PRMT8: variants seen among roughly 807,000 people sequenced by gnomAD.
The protein encoded by PRMT8 is protein arginine methyltransferase 8.
In PRMT8, 7 loss-of-function variants were observed where a neutral mutation model predicts 47.1. That is an observed-to-expected ratio of 0.15 (90% CI 0.08 to 0.28). The LOEUF is 0.28. Among genes scored for constraint, PRMT8 ranks in the 10% least tolerant of loss-of-function variants. PRMT8 has a pLI of 1.00. For synonymous variants in PRMT8, 188 were observed against 186.5 expected (o/e 1.01, Z -0.07); for missense variants, 237 against 505.4 (o/e 0.47, Z 5.09).
intron 1 of PRMT8, among the ~76,000 whole-genome samples, chr12:3,476,567 C>G (rs1171350656): frequency 6.6e-6 from 1 of 152,144 alleles, no homozygotes; most frequent in Non-Finnish European, 1.5e-5. Flanking sequence ...TCTCCCTCTC[C>G]CATCTCTCTC....
Position 3,538,739 on chromosome 12 carries a change from T to G in PRMT8, c.76-1867T>G. 3.9e-6 allele frequency: 2 copies of G among 518,944 alleles called. No individual in the cohort carries two copies. The highest frequency in any genetic ancestry group is 7.7e-6 in the Non-Finnish European group (2 of 259,850). The allele number at this position is 518,944 out of a possible 1,614,324, so 32.1% of individuals were successfully genotyped here. ...CTGCAGCCTGCACAGGAGTGTGCAC[T>G]TGACACAGTCTATTTTTAGCCTCCC... is the stretch of plus-strand genomic sequence containing the variant. On this transcript the variant is annotated intron_variant, in intron 1 of 9. Coordinates refer to ENST00000382622, the MANE Select transcript of PRMT8 (RefSeq NM_019854.5). The surrounding 1 kb of genome is among the most constrained non-coding windows in gnomAD (Gnocchi z 4.6).
intron 1 of PRMT8, among the ~76,000 whole-genome samples, chr12:3,405,500 C>G (rs906725628): frequency 6.6e-6 from 1 of 152,202 alleles, no homozygotes; most frequent in African/African-American, 2.4e-5. Context: ...CAGTCCAAAT[C>G]CAAAGTCTCA....
At chr12:3,547,596 G>A (rs1214010637) in intron 2 of PRMT8, among the ~76,000 whole-genome samples, 2 of 152,020 alleles carry the variant, frequency 1.3e-5, no homozygotes, top group South Asian at 2.1e-4. Flanking sequence ...TGGGCAACAT[G>A]GTAGAACACC....
intron 1 of PRMT8, among the ~76,000 whole-genome samples, chr12:3,414,052 C>T (rs901795521): frequency 6.6e-6 from 1 of 152,168 alleles, no homozygotes; most frequent in Non-Finnish European, 1.5e-5. Context: ...TAGTGGTTCT[C>T]TTGAATGATT....
rs1448736010 is a variant in PRMT8 at position 3,535,855 on chromosome 12, A to T, written c.76-4751A>T. ...AATCCTTTTGCTGACTTCTCAGACT[A>T]TGTATACAAGATTGGAGTTTGAAAG... On this transcript the variant is annotated intron_variant, in intron 1 of 9. Coordinates refer to ENST00000382622, the MANE Select transcript of PRMT8 (RefSeq NM_019854.5). This position sits in a 1 kb window ranked among gnomAD's most constrained non-coding sequence, Gnocchi z 4.7. 6.6e-6 allele frequency among the ~76,000 whole-genome samples: 1 copy of T among 152,116 alleles called. No homozygotes were observed. The highest frequency in any genetic ancestry group is 1.5e-5 in the Non-Finnish European group (1 of 68,014).
intron 4 of PRMT8, among the ~76,000 whole-genome samples, chr12:3,554,200 C>T (rs542358052): frequency 2.1e-4 from 32 of 152,292 alleles, no homozygotes; most frequent in African/African-American, 7.5e-4. Flanking sequence ...TGGGAGTGGG[C>T]CCTTCTTCAG....
chr12:3,509,677 T>C (rs896365252), intron 1 of PRMT8, among the ~76,000 whole-genome samples: 1 of 152,220 alleles, frequency 6.6e-6, no homozygotes, highest in African/African-American at 2.4e-5. Flanking sequence ...TATTTGTTGG[T>C]CCCGTTCTTA....
chr12:3,424,817 A>G (rs1201384418), intron 1 of PRMT8, among the ~76,000 whole-genome samples: 5 of 152,224 alleles, frequency 3.3e-5, no homozygotes, highest in Non-Finnish European at 7.3e-5. Flanking sequence ...CTTGATGTAT[A>G]TACTGGGAAC....
intron 1 of PRMT8, among the ~76,000 whole-genome samples, chr12:3,452,818 G>A (rs925890014): frequency 6.6e-6 from 1 of 152,190 alleles, no homozygotes; most frequent in Non-Finnish European, 1.5e-5. Context: ...CTTAGGTCCT[G>A]CTGGGAAGTG....
chr12:3,444,000 C>T (rs1374200047), intron 1 of PRMT8, among the ~76,000 whole-genome samples: 1 of 152,212 alleles, frequency 6.6e-6, no homozygotes, highest in Non-Finnish European at 1.5e-5. Flanking sequence ...GTAAGGCTCT[C>T]CCTGCCATTC....
chr12:3,463,724 A>G (rs1039775205), intron 1 of PRMT8: 4 of 152,316 alleles, frequency 2.6e-5, no homozygotes, highest in Non-Finnish European at 5.9e-5. Flanking sequence ...TTCTCCAAGC[A>G]CTAGAATTAC....
intron 4 of PRMT8, among the ~76,000 whole-genome samples, chr12:3,561,862 A>C (rs1256383917): frequency 6.6e-6 from 1 of 152,200 alleles, no homozygotes; most frequent in Non-Finnish European, 1.5e-5. Context: ...TAGTGGTCAT[A>C]CATTCCAGGG....
intron 1 of PRMT8, among the ~76,000 whole-genome samples, chr12:3,507,646 C>T (rs17696868): frequency 0.079 from 12,080 of 152,082 alleles, 671 homozygotes; most frequent in Non-Finnish European, 0.12. Context: ...TCAGTTTTCG[C>T]CCACAGGTAC....
chr12:3,586,296 C>T (rs536543509), intron 8 of PRMT8, among the ~76,000 whole-genome samples: 5 of 152,192 alleles, frequency 3.3e-5, no homozygotes, highest in East Asian at 1.9e-4. Context: ...TGAAAGATGG[C>T]GAGGATTTGC....
Position 3,550,099 on chromosome 12 carries a change from C to A in PRMT8, c.417+8C>A. 6.2e-7 allele frequency: 1 copy of A among 1,613,348 alleles called. No homozygotes were observed. Among genetic ancestry groups the A allele is most frequent in the Non-Finnish European group, 8.5e-7 (1 of 1,179,722 alleles). On this transcript the variant is annotated splice_region_variant and intron_variant, in intron 3 of 9. Coordinates refer to ENST00000382622, the MANE Select transcript of PRMT8 (RefSeq NM_019854.5). The surrounding 1 kb of genome is among the most constrained non-coding windows in gnomAD (Gnocchi z 5.1). ...GCCAAGAAGGTGTTTGGGGTGAGCACGCCGCTTCCTCCTGCATGCTGGCTT... is the reference window on the plus strand; with the variant it reads ...GCCAAGAAGGTGTTTGGGGTGAGCAAGCCGCTTCCTCCTGCATGCTGGCTT...
chr12:3,565,292 G>A (rs773508721), intron 4 of PRMT8, among the ~76,000 whole-genome samples: 1 of 152,092 alleles, frequency 6.6e-6, no homozygotes, highest in Admixed American at 6.5e-5. Context: ...GAAAATAAAA[G>A]AGAGGAGATG....
intron 1 of PRMT8, among the ~76,000 whole-genome samples, chr12:3,539,167 T>G (rs1866175284): frequency 6.6e-6 from 1 of 152,244 alleles, no homozygotes; most frequent in Admixed American, 6.5e-5. Flanking sequence ...ATGATGTATG[T>G]AATAATCATA....
chr12:3,536,743 C>T (rs751147028), intron 1 of PRMT8, among the ~76,000 whole-genome samples: 15 of 152,134 alleles, frequency 9.9e-5, no homozygotes, highest in Admixed American at 2.6e-4. Context: ...GCTTGGACAC[C>T]GGAGTGCAAT....
upstream of PRMT8, chr12:3,491,086 C>A: frequency 1.2e-6 from 1 of 849,448 alleles, no homozygotes; most frequent in African/African-American, 1.8e-5. Flanking sequence ...AGGGGGCGGG[C>A]CCGGGGGCGC....
Sources: allele counts gnomAD v4.1 joint callset (sites outside exome capture counted in the v4.1 genomes callset), GRCh38; gene constraint gnomAD v4.1.1; non-coding constraint Gnocchi (gnomAD v3.1); transcripts MANE v1.5; gene names NCBI Gene and HGNC (gene_info 2026-07-23, HGNC 2026-07-21).